Variants in SPAG16 observed in about 807,000 individuals in gnomAD.
SPAG16 encodes sperm-associated antigen 16 protein.
SPAG16 carries 86 observed loss-of-function variants against 80.4 expected under a neutral mutation model. The ratio of observed to expected loss-of-function variants is 1.07; its 90% CI spans 0.90 to 1.28. The LOEUF (loss-of-function observed/expected upper bound fraction) is 1.28. Among genes scored for constraint, SPAG16 ranks in the 50% most tolerant of loss-of-function variants. SPAG16 has a pLI of 0.00. For synonymous variants in SPAG16, 294 were observed against 265.9 expected (o/e 1.11, Z -1.03); for missense variants, 870 against 765.3 (o/e 1.14, Z -1.61).
chr2:214,235,720 C>T (rs1244805752), intron 15 of SPAG16, among the ~76,000 whole-genome samples: 1 of 152,086 alleles, frequency 6.6e-6, no homozygotes. Context: ...TCTTCATGCC[C>T]ATTGGCAAAG....
chr2:214,371,550 AT>A (rs1383487831), intron 15 of SPAG16, among the ~76,000 whole-genome samples: 1 of 151,138 alleles, frequency 6.6e-6, no homozygotes, highest in African/African-American at 2.4e-5. Context: ...AAAAAAAAAA[AT>A]AGTATATGTT....
At position 213,894,240 on chromosome 2, in the gene SPAG16, C is replaced by T. The variant is rs555692422; in HGVS notation, c.1214+31612C>T. On this transcript the variant is annotated intron_variant, in intron 11 of 15. Transcript: ENST00000331683. The stretch of plus-strand genomic sequence containing the variant: ...TCAAGAACACATTAAAAAGATCATT[C>T]ACTATATTTAAGTGGGATTCATCTC... Among the ~76,000 whole-genome samples, 5 of 152,174 alleles carry T rather than the reference C, an allele frequency of 3.3e-5. No homozygotes were observed. In the South Asian group the frequency reaches 1.0e-3, roughly 32 times the overall value.
chr2:214,281,047 T>C, intron 15 of SPAG16: 1 of 392,276 alleles, frequency 2.5e-6, no homozygotes, highest in Non-Finnish European at 5.0e-6. Flanking sequence ...GCCAGAAACT[T>C]TATTGCCAGT....
intron 13 of SPAG16, among the ~76,000 whole-genome samples, chr2:214,083,729 T>G (rs2051535403): frequency 6.6e-6 from 1 of 152,162 alleles, no homozygotes; most frequent in Non-Finnish European, 1.5e-5. Context: ...TGTGCAGATT[T>G]GTTACATGGG....
chr2:214,115,002 A>G (rs1041563285), intron 14 of SPAG16, among the ~76,000 whole-genome samples: 1 of 152,248 alleles, frequency 6.6e-6, no homozygotes, highest in African/African-American at 2.4e-5. Flanking sequence ...CTATTACAAT[A>G]TAGCTCCAAA....
chr2:213,786,934 T>G (rs1162079965), intron 10 of SPAG16, among the ~76,000 whole-genome samples: 1 of 152,106 alleles, frequency 6.6e-6, no homozygotes, highest in Non-Finnish European at 1.5e-5. Context: ...ATGTGGAAAG[T>G]GATAAAAATG....
At chr2:213,455,715 C>G (rs1119234) in intron 9 of SPAG16, among the ~76,000 whole-genome samples, 4,863 of 152,270 alleles carry the variant, frequency 0.032, 119 homozygotes, top group African/African-American at 0.057. Flanking sequence ...GTTTGCGCTC[C>G]TGTGATAATA....
chr2:214,126,676 C>A (rs1012948572), intron 14 of SPAG16, among the ~76,000 whole-genome samples: 4 of 151,706 alleles, frequency 2.6e-5, no homozygotes, highest in African/African-American at 4.8e-5. Flanking sequence ...CTTTAAAAGA[C>A]TCTTGCCAAA....
chr2:213,418,762 T>C (rs2069413154), intron 9 of SPAG16, among the ~76,000 whole-genome samples: 1 of 152,194 alleles, frequency 6.6e-6, no homozygotes, highest in Non-Finnish European at 1.5e-5. Flanking sequence ...TGGCTCAATG[T>C]AAAATCTGAG....
intron 10 of SPAG16, among the ~76,000 whole-genome samples, chr2:213,836,697 T>G (rs896218356): frequency 1.3e-5 from 2 of 152,244 alleles, no homozygotes; most frequent in Admixed American, 1.3e-4. Flanking sequence ...CTGCAACCTC[T>G]GCCTCCCAGG....
chr2:213,317,413 T>G, intron 5 of SPAG16, 57 bp downstream of exon 5: 1 of 1,545,766 alleles, frequency 6.5e-7, no homozygotes, highest in Non-Finnish European at 8.7e-7. Context: ...AATAAAAGAG[T>G]TGAGTGAAGC....
At chr2:213,718,575 C>G (rs557845157) in intron 10 of SPAG16, among the ~76,000 whole-genome samples, 1 of 152,316 alleles carries the variant, frequency 6.6e-6, no homozygotes, top group African/African-American at 2.4e-5. Context: ...TGGTGGGCCC[C>G]GCACTGGAAG....
At position 213,351,089 on chromosome 2, in the gene SPAG16, C is replaced by T. The variant is rs574238559; in HGVS notation, c.762+444C>T. 3.9e-5 allele frequency among the ~76,000 whole-genome samples: 6 copies of T among 152,206 alleles called. No individual in the cohort carries two copies. In the East Asian group the frequency reaches 7.7e-4, roughly 20 times the overall value. ...CCCGGGAGTGGAGGTTGCAGTGAGCCGAGATGGCCCCATACCACTGCACTC... is the reference window on the plus strand; with the variant it reads ...CCCGGGAGTGGAGGTTGCAGTGAGCTGAGATGGCCCCATACCACTGCACTC... On this transcript the variant is annotated intron_variant, in intron 7 of 15. Transcript: ENST00000331683.
At chr2:213,456,044 C>T (rs547228827) in intron 9 of SPAG16, among the ~76,000 whole-genome samples, 4 of 152,296 alleles carry the variant, frequency 2.6e-5, no homozygotes, top group East Asian at 1.9e-4. Flanking sequence ...GCCTGCCTTT[C>T]GCCACACCTT....
chr2:213,827,630 A>G (rs1185451617), intron 10 of SPAG16, among the ~76,000 whole-genome samples: 1 of 152,000 alleles, frequency 6.6e-6, no homozygotes, highest in African/African-American at 2.4e-5. Flanking sequence ...TTGTATCTTC[A>G]GATGATTTCT....
intron 10 of SPAG16, among the ~76,000 whole-genome samples, chr2:213,515,903 CGG>C: frequency 6.6e-6 from 1 of 152,192 alleles, no homozygotes; most frequent in South Asian, 2.1e-4. Flanking sequence ...TTCAGCCCTC[CGG>C]TGTGAAGTAG....
rs542879338 is a variant in SPAG16, at chr2:213,669,552, C to CT, written c.1070+179468dup. 1.2e-4 allele frequency among the ~76,000 whole-genome samples: 18 copies of CT among 152,212 alleles called. No homozygotes were observed. The East Asian group carries it at 3.5e-3, about 29-fold the overall frequency. Reference sequence around the variant, plus strand: ...ACACTCAACAGATGTTTTGCTAAGCCTTTTTTAAAAATTATAAATCAATAA... The same window carrying CT: ...ACACTCAACAGATGTTTTGCTAAGCCTTTTTTTAAAAATTATAAATCAATAA... On this transcript the variant is annotated intron_variant, in intron 10 of 15. Transcript: ENST00000331683.
At chr2:213,371,206 A>G (rs1360397346) in intron 8 of SPAG16, among the ~76,000 whole-genome samples, 1 of 152,096 alleles carries the variant, frequency 6.6e-6, no homozygotes, top group African/African-American at 2.4e-5. Context: ...CAGGAAATCA[A>G]GACCATCCTG....
chr2:213,898,958 T>G (rs1304601838), intron 11 of SPAG16, among the ~76,000 whole-genome samples: 1 of 152,042 alleles, frequency 6.6e-6, no homozygotes, highest in Non-Finnish European at 1.5e-5. Flanking sequence ...AGTCAAAGGA[T>G]AAGAAAGAGT....
Sources: gnomAD v4.1 joint callset for allele counts (sites outside exome capture counted in the v4.1 genomes callset) on GRCh38, gnomAD v4.1.1 for gene constraint, MANE v1.5 for transcripts, NCBI Gene and HGNC (gene_info 2026-07-23, HGNC 2026-07-21) for gene names.